The following KIF5B variants were observed in gnomAD, a reference collection of about 807,000 sequenced individuals.
KIF5B encodes the protein kinesin family member 5B.
KIF5B carries 49 observed loss-of-function variants against 132.8 expected under a neutral mutation model. That is an observed-to-expected ratio of 0.37 (90% confidence interval 0.29 to 0.47). The LOEUF (loss-of-function observed/expected upper bound fraction) is 0.47. Ranked by LOEUF, KIF5B falls within the 20% of genes least tolerant of loss-of-function variation. The pLI is 1.00. For synonymous variants in KIF5B, 355 were observed against 369.4 expected, an observed-to-expected ratio of 0.96 and a Z score of 0.45; for missense variants, 780 against 1,144.0, an observed-to-expected ratio of 0.68 and a Z score of 4.59.
chr10:32,014,095 C>G (rs1156531594), intron 25 of KIF5B, among the ~76,000 whole-genome samples: 1 of 152,144 alleles, frequency 6.6e-6, no homozygotes, highest in African/African-American at 2.4e-5. Flanking sequence ...AAAGCACATA[C>G]ACACATCAGG....
chr10:32,049,717 G>C (rs1476576647), intron 1 of KIF5B, among the ~76,000 whole-genome samples: 2 of 148,208 alleles, frequency 1.3e-5, no homozygotes, highest in African/African-American at 5.0e-5. Flanking sequence ...CTGAGAAGGA[G>C]CCAGGGGTAT....
chr10:32,048,499 T>TG lies in KIF5B; in HGVS notation c.178dup (p.Gln60ProfsTer4). Reference sequence around the variant, plus strand: ...CTTCTTTGCACAGTCATTATACACTTGCTCTTGAGATGTGCTTGACTGGAA... The same window carrying TG: ...CTTCTTTGCACAGTCATTATACACTTGGCTCTTGAGATGTGCTTGACTGGAA... On this transcript the variant is annotated frameshift_variant, in exon 2 of 26. Coordinates refer to ENST00000302418, the MANE Select transcript of KIF5B (RefSeq NM_004521.3). LOFTEE classifies it high-confidence loss of function. 1.2e-6 allele frequency: 2 copies of TG among 1,613,688 alleles called. No homozygotes were observed. Among genetic ancestry groups the TG allele is most frequent in the Non-Finnish European group, 1.7e-6 (2 of 1,179,774 alleles).
At chr10:32,045,701 G>A (rs760970058) in intron 2 of KIF5B, among the ~76,000 whole-genome samples, 12 of 152,100 alleles carry the variant, frequency 7.9e-5, no homozygotes, top group Non-Finnish European at 1.6e-4. Flanking sequence ...AAAGACTATG[G>A]TTGAACTAAC....
At chr10:32,052,004 C>G (rs1157940400) in intron 1 of KIF5B, among the ~76,000 whole-genome samples, 1 of 152,202 alleles carries the variant, frequency 6.6e-6, no homozygotes, top group Non-Finnish European at 1.5e-5. Flanking sequence ...CTCCAAGTCA[C>G]AAGATGCATT....
chr10:32,053,207 C>T (rs1442764319), intron 1 of KIF5B, among the ~76,000 whole-genome samples: 1 of 152,130 alleles, frequency 6.6e-6, no homozygotes, highest in African/African-American at 2.4e-5. Context: ...ATTTTACCCA[C>T]AGATTTTCCA....
Position 32,009,333 on chromosome 10 carries a change from C to T in KIF5B, c.*2204G>A, listed in dbSNP as rs1841037124. 2 of 152,024 alleles carry T rather than the reference C, an allele frequency of 1.3e-5. No homozygotes were observed. Among genetic ancestry groups the T allele is most frequent in the Non-Finnish European group, 2.9e-5 (2 of 68,004 alleles). 9.4% of individuals were successfully genotyped at this position (152,024 alleles called of 1,614,324 possible). On this transcript the variant is annotated 3_prime_UTR_variant, in exon 26 of 26. Coordinates refer to ENST00000302418, the MANE Select transcript of KIF5B (RefSeq NM_004521.3). ...CATCTATCAATGCCATTCAGAGGAACGTTAATATATCCAGTCAAAAAGACA... is the reference window on the plus strand; with the variant it reads ...CATCTATCAATGCCATTCAGAGGAATGTTAATATATCCAGTCAAAAAGACA...
chr10:32,021,332 G>T, intron 17 of KIF5B, 45 bp from the exon 18 acceptor site: 1 of 1,398,030 alleles, frequency 7.2e-7, no homozygotes. Flanking sequence ...AAGCCTTTAA[G>T]GTTCCTCATA....
chr10:32,053,329 A>G (rs1293129141), intron 1 of KIF5B, among the ~76,000 whole-genome samples: 3 of 152,166 alleles, frequency 2.0e-5, no homozygotes, highest in Non-Finnish European at 4.4e-5. Context: ...TATATGCAAG[A>G]AACTAGTTTC....
At chr10:32,040,745 G>C (rs1841524153) in intron 2 of KIF5B, among the ~76,000 whole-genome samples, 1 of 151,820 alleles carries the variant, frequency 6.6e-6, no homozygotes, top group Admixed American at 6.6e-5. Flanking sequence ...TGTAATCACA[G>C]CACTTTGGGA....
At chr10:32,031,503 AG>A (rs1394037864) in intron 13 of KIF5B, among the ~76,000 whole-genome samples, 2 of 152,212 alleles carry the variant, frequency 1.3e-5, no homozygotes, top group African/African-American at 4.8e-5. Context: ...TAAGGAACAC[AG>A]TAGAAGAGAA....
intron 12 of KIF5B, among the ~76,000 whole-genome samples, chr10:32,033,440 G>T (rs776870743): frequency 2.0e-5 from 3 of 152,164 alleles, no homozygotes. Flanking sequence ...AGCTGTGCAT[G>T]CAAGAGATCT....
intron 2 of KIF5B, among the ~76,000 whole-genome samples, 185 bp from the exon 3 acceptor site, chr10:32,040,642 CACA>C (rs1841522240): frequency 6.7e-6 from 1 of 149,366 alleles, no homozygotes; most frequent in Admixed American, 6.7e-5. Context: ...CACACACACA[CACA>C]CACACACACA....
chr10:32,038,869 A>G (rs745488541), intron 4 of KIF5B, 43 bp from the exon 5 acceptor site: 8 of 1,253,150 alleles, frequency 6.4e-6, no homozygotes, highest in African/African-American at 3.0e-5. Context: ...CTAAAGTTAT[A>G]TAACTTATTC....
chr10:32,023,456 T>TA (rs1270663160), intron 15 of KIF5B, among the ~76,000 whole-genome samples: 1 of 152,144 alleles, frequency 6.6e-6, no homozygotes, highest in Non-Finnish European at 1.5e-5. Flanking sequence ...AGGATGAACT[T>TA]TAAGCTCAAC....
rs1185770860 is a variant in KIF5B at position 32,022,928 on chromosome 10, C to G, written c.1834G>C (p.Glu612Gln). ...KTMVKRCKQL[E>Q]STQTESNKKM... ...TTGTTGCTCTCAGTTTGTGTGCTTT[C>G]TAACTGCTTGCAACGTTTCACCATG... Residue 612 changes from glutamate (E) to glutamine (Q), a missense_variant, in exon 16 of 26, where the codon GAA becomes CAA. This residue lies in a region of KIF5B where 471 missense variants were observed against 569.9 expected (regional missense o/e 0.83). Coordinates refer to ENST00000302418, the MANE Select transcript of KIF5B (RefSeq NM_004521.3). 6.2e-7 allele frequency: 1 copy of G among 1,613,582 alleles called. No homozygotes were observed. The highest frequency in any genetic ancestry group is 1.7e-5 in the Admixed American group (1 of 60,002).
rs1378679915 is a variant in KIF5B at position 32,018,491 on chromosome 10, G to C, written c.2367+11C>G. ...ATTTCCCAATCCTGTTTATTTTCAT[G>C]TTTTTCTTACCACTGTCTCTTCCAA... is the stretch of plus-strand genomic sequence containing the variant. On this transcript the variant is annotated intron_variant, in intron 21 of 25. Transcript: ENST00000302418. The C allele has an allele frequency of 6.2e-7, 1 of 1,609,558 alleles. No homozygotes were observed. The highest frequency in any genetic ancestry group is 1.7e-5 in the Admixed American group (1 of 59,130).
intron 2 of KIF5B, among the ~76,000 whole-genome samples, chr10:32,043,028 C>T (rs774078057): frequency 9.9e-5 from 15 of 152,080 alleles, no homozygotes; most frequent in Non-Finnish European, 2.1e-4. Context: ...TGCTCTGTCA[C>T]CCAGGCTGGA....
At chr10:32,037,939 G>A (rs983555939) in intron 6 of KIF5B, among the ~76,000 whole-genome samples, 6 of 150,630 alleles carry the variant, frequency 4.0e-5, no homozygotes, top group South Asian at 2.1e-4. Context: ...GTGAAACTTC[G>A]TCTCTACTAA....
At chr10:32,023,088 G>T in intron 15 of KIF5B, 52 bp from the exon 16 acceptor site, 1 of 1,046,122 alleles carries the variant, frequency 9.6e-7, no homozygotes, top group Non-Finnish European at 1.4e-6. Context: ...TTCAATGTGT[G>T]TTTTCCCAAT....
Sources: allele counts gnomAD v4.1 joint callset (sites outside exome capture counted in the v4.1 genomes callset), GRCh38; gene constraint gnomAD v4.1.1; regional missense constraint gnomAD v4.1.1; transcripts MANE v1.5; gene names NCBI Gene and HGNC (gene_info 2026-07-23, HGNC 2026-07-21).